Variants in ARHGAP21 observed in about 807,000 individuals in gnomAD.
ARHGAP21 encodes the protein rho GTPase-activating protein 21.
Under a neutral mutation model 164.6 loss-of-function variants are expected in ARHGAP21, and 38 were observed. That is an observed-to-expected ratio of 0.23 (90% CI 0.18 to 0.30). ARHGAP21 has a LOEUF of 0.30. ARHGAP21 is among the 10% of genes least tolerant of loss of function. The probability of loss-of-function intolerance (pLI) is 1.00; values close to 1 mark genes in which losing one functional copy is unlikely to be tolerated. For missense variants in ARHGAP21, 1,822 were observed against 2,370.7 expected (o/e 0.77, Z 4.81); for synonymous variants, 766 against 857.9 (o/e 0.89, Z 1.87).
Position 24,619,851 on chromosome 10 carries a change from A to C in ARHGAP21, c.2044T>G (p.Ser682Ala), listed in dbSNP as rs1273219783. Residue 682 changes from serine to alanine, a missense_variant, in exon 9 of 26, where the codon TCC becomes GCC. By Grantham distance (99) the Ser-to-Ala change is moderately conservative. Coordinates refer to ENST00000396432, the MANE Select transcript of ARHGAP21 (RefSeq NM_020824.4). ...APDQQVETGKSPSLSGASAKP... is the reference protein window; with the variant it reads ...APDQQVETGKAPSLSGASAKP... ...GCAGAGGCTCCAGATAAAGAGGGGG[A>C]TTTCCCAGTCTCCACTTGCTGATCG... is the stretch of plus-strand genomic sequence containing the variant. 1.2e-6 allele frequency: 2 copies of C among 1,614,080 alleles called. No individual in the cohort carries two copies. The highest frequency in any genetic ancestry group is 4.5e-5 in the East Asian group (2 of 44,882).
chr10:24,665,034 T>A (rs1214006904), intron 4 of ARHGAP21, among the ~76,000 whole-genome samples: 1 of 152,206 alleles, frequency 6.6e-6, no homozygotes, highest in South Asian at 2.1e-4. Flanking sequence ...CTAGATGCTG[T>A]GTGTCCAGTA....
rs1469277724 is a variant in ARHGAP21 at position 24,589,257 on chromosome 10, A to AT, written c.4182+13dup. ...TCCCCCCTAAAATATTTCAAATTGTATGAAACAATTTACCTTAGATTTTGT... is the reference window on the plus strand; with the variant it reads ...TCCCCCCTAAAATATTTCAAATTGTATTGAAACAATTTACCTTAGATTTTGT... On this transcript the variant is annotated intron_variant, in intron 25 of 25. Coordinates refer to ENST00000396432, the MANE Select transcript of ARHGAP21 (RefSeq NM_020824.4). 15 of 1,596,246 alleles carry AT rather than the reference A, an allele frequency of 9.4e-6. No homozygotes were observed. The highest frequency in any genetic ancestry group is 1.2e-5 in the Non-Finnish European group (14 of 1,165,952).
In ARHGAP21 at chr10:24,620,118, A is replaced by G. The variant is rs12767814; in HGVS notation, c.1777T>C (p.Leu593=). ...FKKIPPDLKT[L]QSNRNFQTTC... is the part of the protein sequence containing the mutation. ...GTCTGAAAATTTCTGTTTGACTGCA[A>G]TGTTTTTAGATCTGGTGGAATTTTT... The change falls in exon 9 of 26, where the codon TTG becomes CTG. Residue 593 remains leucine, a synonymous_variant. Transcript: ENST00000396432. 9.3e-6 allele frequency: 15 copies of G among 1,613,796 alleles called. No individual in the cohort carries two copies. Among genetic ancestry groups the G allele is most frequent in the Non-Finnish European group, 1.3e-5 (15 of 1,179,852 alleles).
intron 2 of ARHGAP21, chr10:24,706,754 T>C (rs1382786802): frequency 6.6e-6 from 1 of 152,362 alleles, no homozygotes; most frequent in Non-Finnish European, 1.5e-5. Context: ...CGACATCATC[T>C]TCCCAAATGT....
At position 24,723,571 on chromosome 10, in the gene ARHGAP21, C is replaced by G. The variant is rs1846141000; in HGVS notation, c.-390G>C. ...GAAACCAGACACGCACCAGAGGAAG[C>G]GGGACGAGTGGATCCGCACGGGGCT... is the stretch of plus-strand genomic sequence containing the variant. On this transcript the variant is annotated 5_prime_UTR_variant, in exon 1 of 26. Transcript: ENST00000396432. 6.8e-6 allele frequency: 1 copy of G among 147,426 alleles called. No homozygotes were observed. Among genetic ancestry groups the G allele is most frequent in the African/African-American group, 2.5e-5 (1 of 40,792 alleles). 9.1% of individuals were successfully genotyped at this position (147,426 alleles called of 1,614,324 possible).
chr10:24,593,337 C>T (rs1033709792), intron 21 of ARHGAP21, among the ~76,000 whole-genome samples: 4 of 152,188 alleles, frequency 2.6e-5, no homozygotes, highest in Non-Finnish European at 5.9e-5. Flanking sequence ...AGAATATGTA[C>T]TCATCCTCCT....
intron 12 of ARHGAP21, among the ~76,000 whole-genome samples, chr10:24,602,635 A>G (rs1302445126): frequency 6.6e-6 from 1 of 152,180 alleles, no homozygotes; most frequent in Non-Finnish European, 1.5e-5. Context: ...CTAGGTCATT[A>G]AGGGTCTTCT....
intron 25 of ARHGAP21, among the ~76,000 whole-genome samples, chr10:24,587,673 T>C (rs1242093876): frequency 6.6e-6 from 1 of 152,228 alleles, no homozygotes; most frequent in African/African-American, 2.4e-5. Context: ...TTGGGAGACC[T>C]TGATGTCCAT....
At chr10:24,685,893 A>T (rs1035636688) in intron 2 of ARHGAP21, among the ~76,000 whole-genome samples, 1 of 152,158 alleles carries the variant, frequency 6.6e-6, no homozygotes, top group African/African-American at 2.4e-5. Context: ...AGGAGAGGAC[A>T]CTGAAGAAAA....
In ARHGAP21 at chr10:24,591,629, A is replaced by G. The variant is rs887532250; in HGVS notation, c.4044+13T>C. ...GAAACTACTGAGTACAAATGCTGAC[A>G]GACAATACTTACAAGAGGCTCTTCA... On this transcript the variant is annotated intron_variant, in intron 23 of 25. Transcript: ENST00000396432. 5.6e-6 allele frequency: 9 copies of G among 1,613,616 alleles called. No individual in the cohort carries two copies. Among genetic ancestry groups the G allele is most frequent in the Non-Finnish European group, 7.6e-6 (9 of 1,179,616 alleles).
intron 9 of ARHGAP21, among the ~76,000 whole-genome samples, 193 bp from the exon 10 acceptor site, chr10:24,608,096 T>C (rs1326596934): frequency 6.6e-6 from 1 of 151,902 alleles, no homozygotes. Context: ...TAAATAATTC[T>C]GAGAATATGG....
chr10:24,628,776 T>TAC (rs1554977271), intron 7 of ARHGAP21, among the ~76,000 whole-genome samples: 2 of 137,766 alleles, frequency 1.5e-5, no homozygotes, highest in African/African-American at 5.4e-5. Context: ...TGTGTGCATA[T>TAC]ATATATACAC....
intron 2 of ARHGAP21, among the ~76,000 whole-genome samples, chr10:24,716,368 C>T (rs1003956676): frequency 2.0e-5 from 3 of 152,188 alleles, no homozygotes; most frequent in Non-Finnish European, 4.4e-5. Flanking sequence ...AAGCTTCACT[C>T]GGAAGGTGAC....
chr10:24,623,377 A>G (rs1834765828), intron 7 of ARHGAP21, among the ~76,000 whole-genome samples: 1 of 152,240 alleles, frequency 6.6e-6, no homozygotes, highest in Non-Finnish European at 1.5e-5. Context: ...AGACATAAAA[A>G]TATTACTTCC....
At chr10:24,667,655 A>G (rs1452274128) in intron 3 of ARHGAP21, among the ~76,000 whole-genome samples, 1 of 152,146 alleles carries the variant, frequency 6.6e-6, no homozygotes, top group African/African-American at 2.4e-5. Context: ...AGCCTCTACC[A>G]TACTGGAGCT....
intron 5 of ARHGAP21, among the ~76,000 whole-genome samples, chr10:24,634,599 C>G (rs538192264): frequency 1.4e-4 from 21 of 152,336 alleles, no homozygotes; most frequent in African/African-American, 5.0e-4. Context: ...CCACTTTGTG[C>G]TGCAAATTAA....
chr10:24,689,511 G>A (rs1425804483), intron 2 of ARHGAP21, among the ~76,000 whole-genome samples: 1 of 152,084 alleles, frequency 6.6e-6, no homozygotes, highest in African/African-American at 2.4e-5. Context: ...AGGCCAAGGT[G>A]GGCGGATCGC....
intron 2 of ARHGAP21, among the ~76,000 whole-genome samples, chr10:24,707,970 C>T (rs760627266): frequency 5.3e-5 from 8 of 152,136 alleles, no homozygotes; most frequent in Non-Finnish European, 1.0e-4. Flanking sequence ...CTCCTTTCTG[C>T]CTGTATACAG....
chr10:24,701,640 G>A (rs1843681974), intron 2 of ARHGAP21, among the ~76,000 whole-genome samples: 1 of 152,158 alleles, frequency 6.6e-6, no homozygotes, highest in African/African-American at 2.4e-5. Context: ...TGTGGTTAGA[G>A]AAGAATGACT....
Sources: allele counts gnomAD v4.1 joint callset (sites outside exome capture counted in the v4.1 genomes callset), GRCh38; gene constraint gnomAD v4.1.1; transcripts MANE v1.5; gene names NCBI Gene and HGNC (gene_info 2026-07-23, HGNC 2026-07-21).